CSMD2: variants seen among roughly 807,000 people sequenced by gnomAD.
The protein encoded by CSMD2 is CUB and sushi domain-containing protein 2.
CSMD2 carries 130 observed loss-of-function variants against 398.5 expected under a neutral mutation model. The ratio of observed to expected loss-of-function variants is 0.33; its 90% CI spans 0.28 to 0.38. The LOEUF (loss-of-function observed/expected upper bound fraction) is 0.38. Among genes scored for constraint, CSMD2 ranks in the 10% least tolerant of loss-of-function variants. The probability of loss-of-function intolerance (pLI) is 1.00; values close to 1 mark genes in which losing one functional copy is unlikely to be tolerated. For missense variants in CSMD2, 3,829 were observed against 4,764.9 expected (o/e 0.80, Z 5.78); for synonymous variants, 1,828 against 1,908.5 (o/e 0.96, Z 1.10).
At chr1:33,685,595 C>T (rs1365943812) in intron 25 of CSMD2, among the ~76,000 whole-genome samples, 1 of 152,182 alleles carries the variant, frequency 6.6e-6, no homozygotes, top group Admixed American at 6.5e-5. Context: ...ACCCACACAG[C>T]CTTATTTGCC....
chr1:33,652,648 T>C (rs535821913), intron 27 of CSMD2, among the ~76,000 whole-genome samples, 187 bp from the exon 28 acceptor site: 4 of 152,308 alleles, frequency 2.6e-5, no homozygotes, highest in South Asian at 2.1e-4. Context: ...ATTTCAGAGA[T>C]AGTGGTGGTG....
chr1:33,533,793 C>T lies in CSMD2; in HGVS notation c.9991+3G>A. On this transcript the variant is annotated splice_donor_region_variant and intron_variant, in intron 63 of 70. Coordinates refer to ENST00000373381, the MANE Select transcript of CSMD2 (RefSeq NM_001281956.2). The surrounding 1 kb of genome is among the most constrained non-coding windows in gnomAD (Gnocchi z 4.2). ...TTGGGATGTGGGTGAAGTCTGCACTCACGGACACAGTCAGGTGGGGTTCCA... is the reference window on the plus strand; with the variant it reads ...TTGGGATGTGGGTGAAGTCTGCACTTACGGACACAGTCAGGTGGGGTTCCA... 2.5e-6 allele frequency: 4 copies of T among 1,601,974 alleles called. No individual in the cohort carries two copies. Among genetic ancestry groups the T allele is most frequent in the Middle Eastern group, 1.7e-4 (1 of 6,038 alleles).
At chr1:34,080,926 GAAAGAAAGAAAGAAA>G (rs1657002334) in intron 2 of CSMD2, among the ~76,000 whole-genome samples, 1 of 46,562 alleles carries the variant, frequency 2.1e-5, no homozygotes, top group Non-Finnish European at 4.0e-5. Context: ...TGAGTGGAAA[GAAAGAAAGAAAGAAA>G]GAAAGAAAGA....
chr1:33,525,079 T>C (rs1365818217), intron 65 of CSMD2, 36 bp from the exon 66 acceptor site: 1 of 1,608,932 alleles, frequency 6.2e-7, no homozygotes, highest in South Asian at 1.1e-5. Context: ...AGAGGGACTT[T>C]GTGTGTGCTG....
chr1:33,695,250 G>A (rs963264059), intron 24 of CSMD2, among the ~76,000 whole-genome samples: 3 of 152,268 alleles, frequency 2.0e-5, no homozygotes, highest in Middle Eastern at 3.4e-3. Context: ...GAAAGGTGAG[G>A]AAGCATCACA....
intron 5 of CSMD2, among the ~76,000 whole-genome samples, chr1:33,857,996 A>G (rs2125105616): frequency 6.6e-6 from 1 of 152,292 alleles, no homozygotes; most frequent in East Asian, 1.9e-4. Context: ...GTATCCTTTC[A>G]TAGGTAGCCA....
At chr1:33,815,753 G>C (rs1657388056) in intron 9 of CSMD2, among the ~76,000 whole-genome samples, 1 of 152,208 alleles carries the variant, frequency 6.6e-6, no homozygotes, top group Non-Finnish European at 1.5e-5. Context: ...CTATATACAA[G>C]TATACATAAT....
At chr1:33,885,266 A>G (rs1641511702) in intron 5 of CSMD2, 1 of 152,144 alleles carries the variant, frequency 6.6e-6, no homozygotes. Flanking sequence ...CCAGTGGCCT[A>G]TGCAGAAGAG....
intron 4 of CSMD2, among the ~76,000 whole-genome samples, chr1:33,935,013 T>TAAAAAAAAAAAAAAAAAA (rs537683892): frequency 2.4e-5 from 1 of 42,306 alleles, no homozygotes; most frequent in Non-Finnish European, 6.2e-5. Flanking sequence ...CAAATAAAAT[T>TAAAAAAAAAAAAAAAAAA]AAAAAAAAAA....
rs78720262 is a variant in CSMD2 at position 33,734,918 on chromosome 1, T to G, written c.2368+4222A>C. Reference sequence around the variant, plus strand: ...GCTCTTTGTCTTTTAATAGGGAGTTTAATTACTTTTATTATCATAACTGAT... The same window carrying G: ...GCTCTTTGTCTTTTAATAGGGAGTTGAATTACTTTTATTATCATAACTGAT... On this transcript the variant is annotated intron_variant, in intron 15 of 70. Transcript: ENST00000373381. 1.8e-4 allele frequency among the ~76,000 whole-genome samples: 27 copies of G among 152,374 alleles called. No individual in the cohort carries two copies. The East Asian group carries it at 4.6e-3, about 26-fold the overall frequency.
At chr1:33,644,483 G>T (rs2148941020) in intron 29 of CSMD2, among the ~76,000 whole-genome samples, 1 of 152,260 alleles carries the variant, frequency 6.6e-6, no homozygotes, top group Non-Finnish European at 1.5e-5. Context: ...AGGCAGCTCT[G>T]GTGGTTGCTA....
chr1:34,065,345 C>T (rs1654994673), intron 2 of CSMD2, among the ~76,000 whole-genome samples: 1 of 152,190 alleles, frequency 6.6e-6, no homozygotes, highest in South Asian at 2.1e-4. Flanking sequence ...ATTCATTATG[C>T]CAAACTGCAG....
chr1:33,570,546 C>T (rs991603090), intron 51 of CSMD2, among the ~76,000 whole-genome samples: 2 of 152,076 alleles, frequency 1.3e-5, no homozygotes, highest in African/African-American at 4.8e-5. Context: ...TACCTCTTTA[C>T]AATCACTTGC....
intron 2 of CSMD2, among the ~76,000 whole-genome samples, chr1:34,046,587 C>T (rs947802457): frequency 6.6e-6 from 1 of 152,130 alleles, no homozygotes; most frequent in Non-Finnish European, 1.5e-5. Flanking sequence ...TGGTTCAGTA[C>T]ATGCATGAAT....
chr1:34,072,723 T>C (rs1398383747), intron 2 of CSMD2, among the ~76,000 whole-genome samples: 1 of 152,046 alleles, frequency 6.6e-6, no homozygotes, highest in Non-Finnish European at 1.5e-5. Context: ...AACCACAGGG[T>C]CCTACTGTGA....
chr1:34,155,015 C>T (rs936799076), intron 1 of CSMD2, among the ~76,000 whole-genome samples: 3 of 152,150 alleles, frequency 2.0e-5, no homozygotes, highest in Non-Finnish European at 2.9e-5. Context: ...CGTGAGCCAC[C>T]GCGCCCTGCC....
chr1:33,616,007 T>G (rs2148854619), intron 39 of CSMD2, among the ~76,000 whole-genome samples: 1 of 152,300 alleles, frequency 6.6e-6, no homozygotes, highest in African/African-American at 2.4e-5. Context: ...TAATGGTACC[T>G]CCCCTGCAGG....
chr1:33,599,999 G>A (rs1640105213), intron 44 of CSMD2: 3 of 615,080 alleles, frequency 4.9e-6, no homozygotes, highest in East Asian at 2.8e-5. Context: ...CATGGTTTTG[G>A]GCAAGTACTT....
chr1:33,648,973 A>C (rs1322933690), intron 28 of CSMD2, among the ~76,000 whole-genome samples: 1 of 152,204 alleles, frequency 6.6e-6, no homozygotes, highest in Non-Finnish European at 1.5e-5. Context: ...AAATGACTGG[A>C]ATAGTTGGTT....
Sources: allele counts gnomAD v4.1 joint callset (sites outside exome capture counted in the v4.1 genomes callset), GRCh38; gene constraint gnomAD v4.1.1; non-coding constraint Gnocchi (gnomAD v3.1); transcripts MANE v1.5; gene names NCBI Gene and HGNC (gene_info 2026-07-23, HGNC 2026-07-21).